CACNA2D1: variants seen among roughly 807,000 people sequenced by gnomAD.
The protein encoded by CACNA2D1 is voltage-dependent calcium channel subunit alpha-2/delta-1.
In CACNA2D1, 53 loss-of-function variants were observed where a neutral mutation model predicts 171.5. The ratio of observed to expected loss-of-function variants is 0.31; its 90% CI spans 0.25 to 0.39. The LOEUF (loss-of-function observed/expected upper bound fraction) is 0.39. Among genes scored for constraint, CACNA2D1 ranks in the 10% least tolerant of loss-of-function variants. The pLI is 1.00. For missense variants in CACNA2D1, 903 were observed against 1,299.8 expected, an observed-to-expected ratio of 0.69 and a Z score of 4.69; for synonymous variants, 442 against 443.1, an observed-to-expected ratio of 1.00 and a Z score of 0.03.
chr7:82,245,253 C>T (rs934880766), intron 3 of CACNA2D1, among the ~76,000 whole-genome samples: 4 of 152,212 alleles, frequency 2.6e-5, no homozygotes, highest in African/African-American at 9.6e-5. Flanking sequence ...TCAGTGTCTA[C>T]TGTCTTCCTC....
chr7:82,381,552 T>C (rs985598485), intron 1 of CACNA2D1, among the ~76,000 whole-genome samples: 2 of 152,196 alleles, frequency 1.3e-5, no homozygotes, highest in East Asian at 3.9e-4. Flanking sequence ...TTACTTTTAC[T>C]AAGTTTGGCT....
chr7:82,117,950 T>C (rs1464078769), intron 5 of CACNA2D1, among the ~76,000 whole-genome samples: 1 of 152,208 alleles, frequency 6.6e-6, no homozygotes, highest in Non-Finnish European at 1.5e-5. Context: ...ATGGTACACG[T>C]GACAGAAATA....
intron 1 of CACNA2D1, among the ~76,000 whole-genome samples, chr7:82,366,683 C>T (rs1260526522): frequency 4.6e-5 from 7 of 152,022 alleles, no homozygotes; most frequent in East Asian, 3.9e-4. Context: ...AATGAACATA[C>T]GAGTGTATTT....
chr7:82,026,694 C>T (rs1801965526), intron 12 of CACNA2D1, among the ~76,000 whole-genome samples: 1 of 151,626 alleles, frequency 6.6e-6, no homozygotes, highest in Non-Finnish European at 1.5e-5. Context: ...GGTGTGTGTA[C>T]AGCAGGCAAT....
intron 1 of CACNA2D1, among the ~76,000 whole-genome samples, chr7:82,415,191 A>G (rs1177286349): frequency 6.6e-6 from 1 of 152,184 alleles, no homozygotes; most frequent in Non-Finnish European, 1.5e-5. Flanking sequence ...TCTTTGTCCA[A>G]GAATGCTAGA....
intron 1 of CACNA2D1, among the ~76,000 whole-genome samples, chr7:82,367,720 G>T (rs11763784): frequency 0.038 from 5,712 of 152,198 alleles, 155 homozygotes; most frequent in Middle Eastern, 0.075. Flanking sequence ...CAAGCAAGCA[G>T]AGTAGTCAAA....
chr7:82,443,319 C>T, intron 1 of CACNA2D1, 46 bp downstream of exon 1: 1 of 1,565,326 alleles, frequency 6.4e-7, no homozygotes, highest in Non-Finnish European at 8.7e-7. Flanking sequence ...CCCCAACTCC[C>T]GCGGCGCCCC....
intron 3 of CACNA2D1, among the ~76,000 whole-genome samples, chr7:82,239,682 T>C (rs1804019775): frequency 6.6e-6 from 1 of 152,128 alleles, no homozygotes; most frequent in African/African-American, 2.4e-5. Context: ...ACAGAAATAA[T>C]ACTGAAGCCT....
intron 4 of CACNA2D1, among the ~76,000 whole-genome samples, chr7:82,138,726 G>A (rs1409486621): frequency 2.0e-5 from 3 of 152,156 alleles, no homozygotes; most frequent in East Asian, 1.9e-4. Context: ...GATTACAGGC[G>A]TGAGCCACCG....
At chr7:82,186,777 A>T (rs1389514931) in intron 3 of CACNA2D1, among the ~76,000 whole-genome samples, 1 of 152,216 alleles carries the variant, frequency 6.6e-6, no homozygotes. Context: ...TAGATCTATA[A>T]TATATGATAG....
At chr7:82,374,657 C>T (rs1047753586) in intron 1 of CACNA2D1, among the ~76,000 whole-genome samples, 2 of 151,960 alleles carry the variant, frequency 1.3e-5, no homozygotes, top group African/African-American at 4.8e-5. Context: ...TTAGCAACAC[C>T]TTAATAATAA....
At chr7:81,969,038 G>A (rs914882009) in intron 28 of CACNA2D1, 65 bp from the exon 29 acceptor site, 176 of 936,798 alleles carry the variant, frequency 1.9e-4, no homozygotes, top group Middle Eastern at 5.2e-4. Flanking sequence ...TTGATTTTCC[G>A]TCATTAGATA....
At chr7:82,150,799 T>C (rs1160790037) in intron 4 of CACNA2D1, among the ~76,000 whole-genome samples, 4 of 152,180 alleles carry the variant, frequency 2.6e-5, no homozygotes, top group Admixed American at 2.6e-4. Flanking sequence ...AAATCTGTAC[T>C]GCTTCTTTGT....
chr7:82,254,259 A>G (rs776781036), intron 3 of CACNA2D1, among the ~76,000 whole-genome samples: 53 of 150,138 alleles, frequency 3.5e-4, no homozygotes, highest in Non-Finnish European at 6.6e-4. Context: ...GCTTAGTAGG[A>G]AAAAAAAAGT....
intron 24 of CACNA2D1, among the ~76,000 whole-genome samples, chr7:81,980,804 T>C (rs1796366403): frequency 6.6e-6 from 1 of 152,174 alleles, no homozygotes; most frequent in African/African-American, 2.4e-5. Flanking sequence ...GGTGATTGAT[T>C]AGAAGTGAGA....
At chr7:82,260,942 AC>A (rs200667488) in intron 3 of CACNA2D1, among the ~76,000 whole-genome samples, 2,696 of 151,924 alleles carry the variant, frequency 0.018, 70 homozygotes, top group African/African-American at 0.061. Flanking sequence ...TGTCCAAAAT[AC>A]ATTGGACCAC....
chr7:82,185,957 G>C (rs531685792), intron 3 of CACNA2D1, among the ~76,000 whole-genome samples: 11 of 152,024 alleles, frequency 7.2e-5, no homozygotes, highest in African/African-American at 2.2e-4. Flanking sequence ...AGGAGTTCAA[G>C]ACCAGCCTGA....
intron 6 of CACNA2D1, among the ~76,000 whole-genome samples, chr7:82,115,561 T>C (rs1788946755): frequency 6.6e-6 from 1 of 151,892 alleles, no homozygotes; most frequent in African/African-American, 2.4e-5. Context: ...ATACAACGTT[T>C]CTATTATTAT....
chr7:82,209,149 T>C (rs1800309993), intron 3 of CACNA2D1, among the ~76,000 whole-genome samples: 1 of 152,122 alleles, frequency 6.6e-6, no homozygotes. Flanking sequence ...GAGAGCTTTT[T>C]AAAATAAAAC....
Sources: allele counts gnomAD v4.1 joint callset (sites outside exome capture counted in the v4.1 genomes callset), GRCh38; gene constraint gnomAD v4.1.1; transcripts MANE v1.5; gene names NCBI Gene and HGNC (gene_info 2026-07-23, HGNC 2026-07-21).